Variants in ANKRD11 observed in about 807,000 individuals in gnomAD.
ANKRD11 encodes the protein ankyrin repeat domain 11.
Under a neutral mutation model 195.7 loss-of-function variants are expected in ANKRD11, and 17 were observed. That is an observed-to-expected ratio of 0.09 (90% confidence interval 0.06 to 0.13). The LOEUF is 0.13. ANKRD11 is among the 10% of genes least tolerant of loss of function. The pLI is 1.00. For missense variants in ANKRD11, 3,735 were observed against 3,566.1 expected (o/e 1.05, Z -1.21); for synonymous variants, 1,953 against 1,528.1 (o/e 1.28, Z -6.49).
At chr16:89,489,245 G>C (rs144232601) in intron 1 of ANKRD11, 2 of 142,060 alleles carry the variant, frequency 1.4e-5, no homozygotes, top group African/African-American at 5.3e-5. Flanking sequence ...GCGCGCGCGC[G>C]CACACACATA....
chr16:89,450,208 T>C (rs999055748), intron 1 of ANKRD11, among the ~76,000 whole-genome samples: 7 of 152,182 alleles, frequency 4.6e-5, no homozygotes, highest in African/African-American at 1.7e-4. Context: ...GACCTGTGCA[T>C]GGAGCTGGCT....
chr16:89,489,828 C>A (rs2057755850), intron 1 of ANKRD11, among the ~76,000 whole-genome samples: 1 of 147,454 alleles, frequency 6.8e-6, no homozygotes, highest in Non-Finnish European at 1.5e-5. Context: ...GCCCCGGGCC[C>A]CCACGGCCCC....
chr16:89,472,712 G>A (rs1366308663), intron 1 of ANKRD11, among the ~76,000 whole-genome samples: 1 of 152,202 alleles, frequency 6.6e-6, no homozygotes, highest in Non-Finnish European at 1.5e-5. Context: ...TGCCCTAAGT[G>A]TGCCAAGCCT....
intron 2 of ANKRD11, among the ~76,000 whole-genome samples, chr16:89,384,886 T>G (rs1056206287): frequency 8.8e-6 from 1 of 113,988 alleles, no homozygotes; most frequent in African/African-American, 3.5e-5. Flanking sequence ...TTTCTTTTTT[T>G]TTTTTTTTTT....
intron 1 of ANKRD11, among the ~76,000 whole-genome samples, chr16:89,432,985 T>TC (rs1394459736): frequency 7.6e-6 from 1 of 131,658 alleles, no homozygotes; most frequent in African/African-American, 3.2e-5. Flanking sequence ...TCTCTCTCTC[T>TC]CTCTCCTCTC....
chr16:89,381,190 G>A (rs953967418), intron 2 of ANKRD11, among the ~76,000 whole-genome samples: 1 of 152,096 alleles, frequency 6.6e-6, no homozygotes, highest in African/African-American at 2.4e-5. Flanking sequence ...TAATAAGCTG[G>A]GCATGGTGGT....
chr16:89,286,319 T>TGGGAGCCGAGCGCCC, intron 7 of ANKRD11, 133 bp from the exon 8 acceptor site: 1 of 1,331,046 alleles, frequency 7.5e-7, no homozygotes, highest in Non-Finnish European at 1.1e-6. Flanking sequence ...TCTGAGGGTG[T>TGGGAGCCGAGCGCCC]GGGAGCCGAG....
In ANKRD11 at chr16:89,291,936, A is replaced by C; in HGVS notation, c.227-753T>G. The C allele has an allele frequency of 2.3e-6, 1 of 429,216 alleles. No homozygotes were observed. The highest frequency in any genetic ancestry group is 4.5e-6 in the Non-Finnish European group (1 of 224,160). The allele number at this position is 429,216 out of a possible 1,614,324, so 26.6% of individuals were successfully genotyped here. On this transcript the variant is annotated intron_variant, in intron 4 of 12. Transcript: ENST00000301030. The surrounding 1 kb of genome is among the most constrained non-coding windows in gnomAD (Gnocchi z 5.3). The stretch of plus-strand genomic sequence containing the variant: ...ACTCACGTGCTGTGTCTTTTAAAAG[A>C]GGCAGGAGGCAGGGGCGGGGAAGAG...
Position 89,283,568 on chromosome 16 carries a change from C to G in ANKRD11, c.2974G>C (p.Asp992His). The change falls in exon 9 of 13, where the codon GAC becomes CAC. Residue 992 changes from aspartate (D) to histidine (H), a missense_variant. Asp to His is a moderately conservative substitution (Grantham distance 81). Transcript: ENST00000301030. This position sits in a 1 kb window ranked among gnomAD's most constrained non-coding sequence, Gnocchi z 4.3. The part of the protein sequence containing the change: ...ESGFKDKSDG[D>H]FGKGLEPWER... ...CACGGCTCCAGGCCCTTCCCAAAGT[C>G]GCCGTCGGACTTGTCCTTGAAGCCA... 6.2e-7 allele frequency: 1 copy of G among 1,611,154 alleles called. No homozygotes were observed. The highest frequency in any genetic ancestry group is 1.1e-5 in the South Asian group (1 of 91,090).
rs1396820949 is a variant in ANKRD11 at position 89,268,366 on chromosome 16, G to C, written c.*112C>G. Reference sequence around the variant, plus strand: ...TGTGGCCAAGTGCAGTCTCTCTCGGGGTCTCTCCCCGCCCGGGTGGACAGG... The same window carrying C: ...TGTGGCCAAGTGCAGTCTCTCTCGGCGTCTCTCCCCGCCCGGGTGGACAGG... On this transcript the variant is annotated 3_prime_UTR_variant, in exon 13 of 13. Transcript: ENST00000301030. 2.2e-5 allele frequency: 12 copies of C among 541,362 alleles called. No individual in the cohort carries two copies. In the East Asian group the frequency reaches 3.3e-4, roughly 15 times the overall value. The allele number at this position is 541,362 out of a possible 1,614,324, so 33.5% of individuals were successfully genotyped here.
Position 89,460,875 on chromosome 16 carries a change from C to T in ANKRD11, c.-145+29370G>A, listed in dbSNP as rs555877809. 2.6e-5 allele frequency among the ~76,000 whole-genome samples: 4 copies of T among 151,752 alleles called. No homozygotes were observed. In the South Asian group the frequency reaches 6.2e-4, roughly 24 times the overall value. On this transcript the variant is annotated intron_variant, in intron 1 of 12. Coordinates refer to ENST00000301030, the MANE Select transcript of ANKRD11 (RefSeq NM_013275.6). ...ATCCAAAAGGGAAATATGCCAGTCA[C>T]GAAAGGACAAATATTGTATGACCCC...
intron 9 of ANKRD11, chr16:89,278,377 C>G: frequency 7.9e-6 from 3 of 380,628 alleles, no homozygotes; most frequent in Non-Finnish European, 1.1e-5. Context: ...GCAGGCAGCC[C>G]TCATGGGAAT....
At position 89,285,589 on chromosome 16, in the gene ANKRD11, T is replaced by A. The variant is rs1186945814; in HGVS notation, c.953A>T (p.Asn318Ile). The part of the protein sequence containing the change: ...FAPSSSVDGN[N>I]TDSEFEKGLK... ...GCCTTTTTCGAACTCGGAGTCCGTG[T>A]TGTTGCCGTCGACTGAACTGGAAGG... Residue 318 changes from asparagine (N) to isoleucine (I), a missense_variant, in exon 9 of 13, where the codon AAC (asparagine) becomes ATC (isoleucine). Transcript: ENST00000301030. The surrounding 1 kb of genome is among the most constrained non-coding windows in gnomAD (Gnocchi z 5.6). 6.2e-7 allele frequency: 1 copy of A among 1,614,078 alleles called. No homozygotes were observed. The highest frequency in any genetic ancestry group is 1.7e-5 in the Admixed American group (1 of 60,006).
chr16:89,270,951 G>C (rs1193781495), intron 11 of ANKRD11, 42 bp from the exon 12 acceptor site: 3 of 1,597,222 alleles, frequency 1.9e-6, no homozygotes, highest in Non-Finnish European at 2.6e-6. Context: ...GAGCCCCAGA[G>C]ACCGCTACGG....
At chr16:89,312,095 G>A (rs1288790556) in intron 3 of ANKRD11, among the ~76,000 whole-genome samples, 1 of 152,108 alleles carries the variant, frequency 6.6e-6, no homozygotes, top group Non-Finnish European at 1.5e-5. Flanking sequence ...ATGGGGTTTT[G>A]CCATGTTGGC....
chr16:89,490,414 C>T lies in ANKRD11; in HGVS notation c.-314G>A. 3.4e-6 allele frequency: 1 copy of T among 289,972 alleles called. No homozygotes were observed. Among genetic ancestry groups the T allele is most frequent in the East Asian group, 5.5e-5 (1 of 18,062 alleles). The allele number at this position is 289,972 out of a possible 1,614,324, so 18.0% of individuals were successfully genotyped here. On this transcript the variant is annotated 5_prime_UTR_variant, in exon 1 of 13. Transcript: ENST00000301030. Reference sequence around the variant, plus strand: ...GCTGCGAGGGACGGCGGGAGGCGAGCCCGCCCCTCGGGCGCGCCCACGGCT... The same window carrying T: ...GCTGCGAGGGACGGCGGGAGGCGAGTCCGCCCCTCGGGCGCGCCCACGGCT...
At chr16:89,317,818 C>T (rs144394522) in intron 2 of ANKRD11, among the ~76,000 whole-genome samples, 2 of 152,212 alleles carry the variant, frequency 1.3e-5, no homozygotes, top group East Asian at 1.9e-4. Context: ...AAGTTTCTGG[C>T]CAGGGAGAGA....
intron 1 of ANKRD11, among the ~76,000 whole-genome samples, chr16:89,422,744 G>T (rs986636180): frequency 6.6e-6 from 1 of 152,174 alleles, no homozygotes; most frequent in Non-Finnish European, 1.5e-5. Context: ...TTTTGGAAAG[G>T]AACGGAAGTT....
intron 1 of ANKRD11, among the ~76,000 whole-genome samples, chr16:89,425,681 A>AGTTACTT (rs2042688550): frequency 6.6e-6 from 1 of 152,060 alleles, no homozygotes; most frequent in South Asian, 2.1e-4. Flanking sequence ...GAGAAGGTGC[A>AGTTACTT]GTTATTTGTT....
Sources: allele counts gnomAD v4.1 joint callset (sites outside exome capture counted in the v4.1 genomes callset), GRCh38; gene constraint gnomAD v4.1.1; non-coding constraint Gnocchi (gnomAD v3.1); transcripts MANE v1.5; gene names NCBI Gene and HGNC (gene_info 2026-07-23, HGNC 2026-07-21).